Variants in CHL1 observed in about 807,000 individuals in gnomAD.
The protein encoded by CHL1 is cell adhesion molecule L1 like.
Under a neutral mutation model 141.9 loss-of-function variants are expected in CHL1, and 96 were observed. That is an observed-to-expected ratio of 0.68 (90% CI 0.57 to 0.80). The LOEUF (loss-of-function observed/expected upper bound fraction) is 0.80. CHL1 is among the 30% of genes least tolerant of loss of function. The probability of loss-of-function intolerance (pLI) is 0.00; values close to 1 mark genes in which losing one functional copy is unlikely to be tolerated. For synonymous variants in CHL1, 613 were observed against 502.2 expected (o/e 1.22, Z -2.95); for missense variants, 1,820 against 1,457.2 (o/e 1.25, Z -4.05).
rs1269200741 is a variant in CHL1, at chr3:394,678, T to C, written c.2915-15T>C. ...TTAAATACATTTGAGCTGTTGTTCA[T>C]GTTTATTTTTTTAGTAAATGACACC... is the stretch of plus-strand genomic sequence containing the variant. On this transcript the variant is annotated splice_polypyrimidine_tract_variant and intron_variant, in intron 23 of 27. Coordinates refer to ENST00000256509, the MANE Select transcript of CHL1 (RefSeq NM_006614.4). The C allele has an allele frequency of 1.9e-6, 3 of 1,574,396 alleles. No homozygotes were observed. The highest frequency in any genetic ancestry group is 1.8e-5 in the Admixed American group (1 of 57,002).
intron 11 of CHL1, among the ~76,000 whole-genome samples, chr3:358,567 G>A (rs147706283): frequency 6.6e-6 from 1 of 152,232 alleles, no homozygotes; most frequent in East Asian, 1.9e-4. Flanking sequence ...CAGGAATAAA[G>A]GTTACCCAAC....
In CHL1 at chr3:243,137, T is replaced by C. The variant is rs77114283; in HGVS notation, c.-174-1476T>C. ...ATAAAGAACATTCTAGATTAAGTCATGTAACATTCACCTCAGCAAATGGAA... is the reference window on the plus strand; with the variant it reads ...ATAAAGAACATTCTAGATTAAGTCACGTAACATTCACCTCAGCAAATGGAA... On this transcript the variant is annotated intron_variant, in intron 1 of 27. Transcript: ENST00000256509. Among the ~76,000 whole-genome samples the C allele has an allele frequency of 1.2e-3, 176 of 152,296 alleles. 2 individuals are homozygous for C. In the East Asian group the frequency reaches 0.032, roughly 28 times the overall value.
chr3:238,277 T>C (rs1386819277), intron 1 of CHL1, among the ~76,000 whole-genome samples: 1 of 152,146 alleles, frequency 6.6e-6, no homozygotes, highest in Non-Finnish European at 1.5e-5. Context: ...AAGAGGTATT[T>C]TCAATCCCAG....
chr3:320,895 A>G (rs970957608), intron 3 of CHL1, among the ~76,000 whole-genome samples: 6 of 151,886 alleles, frequency 4.0e-5, no homozygotes, highest in African/African-American at 1.5e-4. Context: ...TATAATTTGG[A>G]GGGTTATTAT....
chr3:335,431 T>C (rs4685599), intron 5 of CHL1, among the ~76,000 whole-genome samples: 137,502 of 152,222 alleles, frequency 0.9, 62,168 homozygotes, highest in East Asian at 0.99. Flanking sequence ...TAATGGGATG[T>C]TCTGCAGGAA....
chr3:396,638 A>G (rs1295269235), intron 24 of CHL1, among the ~76,000 whole-genome samples: 1 of 152,168 alleles, frequency 6.6e-6, no homozygotes, highest in Non-Finnish European at 1.5e-5. Context: ...TGCATGTCTT[A>G]AAGAACATTT....
At chr3:246,453 TA>T (rs1371949521) in intron 2 of CHL1, 2 of 152,102 alleles carry the variant, frequency 1.3e-5, no homozygotes, top group Non-Finnish European at 2.9e-5. Flanking sequence ...TTCATTGTGC[TA>T]GGGAAATCAG....
intron 23 of CHL1, among the ~76,000 whole-genome samples, chr3:393,733 T>A (rs901241431): frequency 1.2e-4 from 19 of 152,162 alleles, no homozygotes; most frequent in African/African-American, 4.6e-4. Context: ...TAGTCGTTTT[T>A]CAATTGACTT....
At chr3:343,202 G>T (rs1010851202) in intron 8 of CHL1, among the ~76,000 whole-genome samples, 171 bp downstream of exon 8, 1 of 152,092 alleles carries the variant, frequency 6.6e-6, no homozygotes, top group African/African-American at 2.4e-5. Flanking sequence ...TATATGCAAA[G>T]GGAGTGATTT....
At chr3:388,002 C>G (rs1707896345) in intron 19 of CHL1, among the ~76,000 whole-genome samples, 1 of 152,164 alleles carries the variant, frequency 6.6e-6, no homozygotes, top group South Asian at 2.1e-4. Flanking sequence ...ATTACAGATT[C>G]TGTAAGAACA....
intron 2 of CHL1, among the ~76,000 whole-genome samples, chr3:255,777 A>G (rs1479171935): frequency 5.3e-5 from 8 of 152,192 alleles, no homozygotes; most frequent in Admixed American, 5.2e-4. Context: ...AGCATATTTT[A>G]GATCTAAGGA....
At chr3:324,256 T>A (rs950289189) in intron 3 of CHL1, among the ~76,000 whole-genome samples, 1 of 152,114 alleles carries the variant, frequency 6.6e-6, no homozygotes, top group Admixed American at 6.6e-5. Flanking sequence ...GCAACTCTAC[T>A]GTGGAATAGT....
chr3:264,434 T>C (rs1291620315), intron 2 of CHL1, among the ~76,000 whole-genome samples: 1 of 152,172 alleles, frequency 6.6e-6, no homozygotes, highest in Non-Finnish European at 1.5e-5. Flanking sequence ...AAAGCCATAC[T>C]CTGAAGGAAC....
chr3:201,971 A>G (rs1284141121), intron 1 of CHL1, among the ~76,000 whole-genome samples: 2 of 152,090 alleles, frequency 1.3e-5, no homozygotes, highest in African/African-American at 4.8e-5. Context: ...ATTTCCTTTT[A>G]TGCATCTCAT....
intron 1 of CHL1, among the ~76,000 whole-genome samples, chr3:221,985 C>T (rs17007879): frequency 0.033 from 5,042 of 152,298 alleles, 270 homozygotes; most frequent in African/African-American, 0.11. Context: ...AATATCACTT[C>T]ATCTCCTTAC....
intron 15 of CHL1, among the ~76,000 whole-genome samples, chr3:370,865 G>C (rs751753660): frequency 1.3e-5 from 2 of 152,076 alleles, no homozygotes; most frequent in Non-Finnish European, 2.9e-5. Context: ...TATTTACCTA[G>C]GAGTCATTCA....
At chr3:332,695 A>G (rs1701534730) in intron 5 of CHL1, among the ~76,000 whole-genome samples, 1 of 152,160 alleles carries the variant, frequency 6.6e-6, no homozygotes, top group Non-Finnish European at 1.5e-5. Context: ...ATTTGAATTG[A>G]CTTTCAGTAG....
In CHL1 at chr3:350,449, T is replaced by A. The variant is rs533839054; in HGVS notation, c.1033+906T>A. On this transcript the variant is annotated intron_variant, in intron 10 of 27. Transcript: ENST00000256509. ...GATGACTGCATTTGTACTTATTTAGTGCAGTGTAAGCTTAGCTACTGAAAG... is the reference window on the plus strand; with the variant it reads ...GATGACTGCATTTGTACTTATTTAGAGCAGTGTAAGCTTAGCTACTGAAAG... 2.6e-5 allele frequency among the ~76,000 whole-genome samples: 4 copies of A among 152,332 alleles called. No individual in the cohort carries two copies. The South Asian group carries it at 8.3e-4, about 32-fold the overall frequency.
intron 1 of CHL1, among the ~76,000 whole-genome samples, chr3:205,105 T>TC (rs1553567133): frequency 3.7e-4 from 1 of 2,718 alleles, no homozygotes; most frequent in African/African-American, 8.3e-4. Context: ...TCTTTCTTTC[T>TC]TTTTTTTTTT....
Sources: allele counts gnomAD v4.1 joint callset (sites outside exome capture counted in the v4.1 genomes callset), GRCh38; gene constraint gnomAD v4.1.1; transcripts MANE v1.5; gene names NCBI Gene and HGNC (gene_info 2026-07-23, HGNC 2026-07-21).